The following GABRA3 variants were observed in gnomAD, a reference collection of about 807,000 sequenced individuals.
GABRA3 encodes gamma-aminobutyric acid receptor subunit alpha-3.
In GABRA3, 10 loss-of-function variants were observed where a neutral mutation model predicts 30.1. That is an observed-to-expected ratio of 0.33 (90% CI 0.20 to 0.56). The LOEUF (loss-of-function observed/expected upper bound fraction) is 0.56. GABRA3 is among the 20% of genes least tolerant of loss of function. The probability of loss-of-function intolerance (pLI) is 0.89; values close to 1 mark genes in which losing one functional copy is unlikely to be tolerated. For synonymous variants in GABRA3, 151 were observed against 146.8 expected (o/e 1.03, Z -0.21); for missense variants, 233 against 392.0 (o/e 0.59, Z 3.42).
At chrX:152,241,536 G>T (rs917060012) in intron 5 of GABRA3, among the ~76,000 whole-genome samples, 2 of 108,251 alleles carry the variant, frequency 1.8e-5, no homozygotes, top group African/African-American at 6.6e-5. Flanking sequence ...GCTCCACCCA[G>T]TTCGAGCTTC....
chrX:152,226,517 C>A (rs766722798), intron 5 of GABRA3, among the ~76,000 whole-genome samples: 8 of 111,141 alleles, frequency 7.2e-5, no homozygotes, highest in East Asian at 5.8e-4. Context: ...GCAACAAAAG[C>A]CAAAATTGAA....
chrX:152,184,858 A>T (rs1259476671), intron 9 of GABRA3, among the ~76,000 whole-genome samples: 1 of 111,423 alleles, frequency 9.0e-6, no homozygotes, highest in East Asian at 2.8e-4. Flanking sequence ...GATCATCAAA[A>T]ACCCACAGTT....
At chrX:152,442,424 C>T (rs891356125) in intron 1 of GABRA3, among the ~76,000 whole-genome samples, 2 of 109,653 alleles carry the variant, frequency 1.8e-5, no homozygotes, top group African/African-American at 6.5e-5. Flanking sequence ...GTAAACTATA[C>T]ATTTATAATA....
chrX:152,237,472 A>G (rs1350170080), intron 5 of GABRA3, among the ~76,000 whole-genome samples: 19 of 100,311 alleles, frequency 1.9e-4, no homozygotes, highest in African/African-American at 5.0e-4. Context: ...TTGACTTGGC[A>G]ATGCGGGCTC....
chrX:152,317,691 A>T (rs1405037824), intron 3 of GABRA3, among the ~76,000 whole-genome samples: 2 of 112,188 alleles, frequency 1.8e-5, no homozygotes, highest in Admixed American at 1.9e-4. Context: ...TAATACATGG[A>T]AATTGAATAA....
intron 3 of GABRA3, among the ~76,000 whole-genome samples, chrX:152,287,986 A>G (rs1378398432): frequency 9.0e-6 from 1 of 111,305 alleles, no homozygotes; most frequent in East Asian, 2.8e-4. Flanking sequence ...TTTCTTAACA[A>G]TCAATGGTTG....
At chrX:152,384,988 G>A (rs1042126572) in intron 1 of GABRA3, among the ~76,000 whole-genome samples, 2 of 111,696 alleles carry the variant, frequency 1.8e-5, no homozygotes, top group African/African-American at 3.2e-5. Flanking sequence ...TTAACCATAA[G>A]AAAAAGTGTT....
At chrX:152,345,737 G>A in intron 2 of GABRA3, 35 bp from the exon 3 acceptor site, 1 of 1,129,878 alleles carries the variant, frequency 8.9e-7, no homozygotes. Flanking sequence ...AAAAATAATA[G>A]TTCTTAATAG....
chrX:152,220,534 A>G (rs1176203997), intron 6 of GABRA3, among the ~76,000 whole-genome samples: 1 of 111,734 alleles, frequency 8.9e-6, no homozygotes, highest in East Asian at 2.8e-4. Flanking sequence ...GCCTTTTGGT[A>G]TACATAAACA....
At chrX:152,232,992 T>C (rs774882405) in intron 5 of GABRA3, among the ~76,000 whole-genome samples, 7 of 111,247 alleles carry the variant, frequency 6.3e-5, no homozygotes, top group South Asian at 7.4e-4. Flanking sequence ...TGTTTGTTTG[T>C]TTTTGCATTT....
intron 3 of GABRA3, among the ~76,000 whole-genome samples, chrX:152,320,830 A>G (rs1213184262): frequency 8.9e-6 from 1 of 112,186 alleles, no homozygotes; most frequent in Non-Finnish European, 1.9e-5. Flanking sequence ...CTTTCTTAAC[A>G]TTAATCACAC....
chrX:152,168,951 T>C lies in GABRA3; in HGVS notation c.1144-388A>G, dbSNP rs563697994. Among the ~76,000 whole-genome samples the C allele has an allele frequency of 1.9e-4, 21 of 112,155 alleles. No individual in the cohort carries two copies. In the South Asian group the frequency reaches 7.9e-3, roughly 42 times the overall value. On this transcript the variant is annotated intron_variant, in intron 9 of 9. Transcript: ENST00000370314. ...GTCACATGTGGAATCTTATACATCATGTGATTCGATCCTCAGAGCAACCCC... is the reference window on the plus strand; with the variant it reads ...GTCACATGTGGAATCTTATACATCACGTGATTCGATCCTCAGAGCAACCCC...
chrX:152,433,457 T>C (rs1206353772), intron 1 of GABRA3, among the ~76,000 whole-genome samples: 1 of 107,916 alleles, frequency 9.3e-6, no homozygotes, highest in Non-Finnish European at 1.9e-5. Flanking sequence ...AGATATCAAT[T>C]AGAAAATATA....
chrX:152,431,863 A>T (rs1483575708), intron 1 of GABRA3, among the ~76,000 whole-genome samples: 3 of 111,613 alleles, frequency 2.7e-5, no homozygotes, highest in African/African-American at 9.8e-5. Context: ...AAAAGTCAAG[A>T]AAACAAGTTC....
intron 5 of GABRA3, among the ~76,000 whole-genome samples, chrX:152,233,877 T>A (rs1216167692): frequency 1.9e-5 from 2 of 107,200 alleles, no homozygotes; most frequent in Non-Finnish European, 3.9e-5. Context: ...TAAAAAAGGA[T>A]GAGTTCATGT....
At chrX:152,325,116 A>T (rs1431308839) in intron 3 of GABRA3, among the ~76,000 whole-genome samples, 1 of 111,358 alleles carries the variant, frequency 9.0e-6, no homozygotes, top group Non-Finnish European at 1.9e-5. Flanking sequence ...TAGATTACAG[A>T]GCAGCATTTT....
At chrX:152,177,039 T>C (rs1434833185) in intron 9 of GABRA3, among the ~76,000 whole-genome samples, 3 of 110,033 alleles carry the variant, frequency 2.7e-5, no homozygotes, top group Non-Finnish European at 5.7e-5. Flanking sequence ...AAGTGAGGAG[T>C]TGACACCTTT....
intron 3 of GABRA3, among the ~76,000 whole-genome samples, chrX:152,320,558 T>C (rs762954237): frequency 1.8e-5 from 2 of 110,663 alleles, no homozygotes; most frequent in African/African-American, 6.6e-5. Flanking sequence ...ACAATGAACT[T>C]TGAGGACTCA....
At chrX:152,338,594 A>T (rs1196425028) in intron 3 of GABRA3, among the ~76,000 whole-genome samples, 1 of 111,979 alleles carries the variant, frequency 8.9e-6, no homozygotes, top group African/African-American at 3.2e-5. Context: ...TCTTACAAAA[A>T]TAGTATTTGC....
Sources: allele counts gnomAD v4.1 joint callset (sites outside exome capture counted in the v4.1 genomes callset), GRCh38; gene constraint gnomAD v4.1.1; transcripts MANE v1.5; gene names NCBI Gene and HGNC (gene_info 2026-07-23, HGNC 2026-07-21).